PRKN: variants seen among roughly 807,000 people sequenced by gnomAD.
The protein encoded by PRKN is parkin RBR E3 ubiquitin protein ligase.
Under a neutral mutation model 59.5 loss-of-function variants are expected in PRKN, and 56 were observed. The observed-to-expected ratio is 0.94, with a 90% CI of 0.76 to 1.18. The LOEUF (loss-of-function observed/expected upper bound fraction) is 1.18. Among genes scored for constraint, PRKN ranks in the 50% most tolerant of loss-of-function variants. PRKN has a pLI of 0.00. For missense variants in PRKN, 657 were observed against 596.4 expected (o/e 1.10, Z -1.06); for synonymous variants, 250 against 222.1 (o/e 1.13, Z -1.12).
intron 1 of PRKN, among the ~76,000 whole-genome samples, chr6:162,653,368 A>G (rs1259720379): frequency 1.3e-5 from 2 of 152,008 alleles, no homozygotes; most frequent in African/African-American, 4.8e-5. Flanking sequence ...CTCTGTGTGT[A>G]TAAGCACGTT....
At chr6:161,825,214 T>A (rs1792189810) in intron 6 of PRKN, among the ~76,000 whole-genome samples, 1 of 152,186 alleles carries the variant, frequency 6.6e-6, no homozygotes, top group Admixed American at 6.5e-5. Flanking sequence ...TTAAAGGGAA[T>A]ATCACACAGC....
chr6:161,848,089 G>C (rs1379423019), intron 6 of PRKN, among the ~76,000 whole-genome samples: 1 of 152,200 alleles, frequency 6.6e-6, no homozygotes, highest in Non-Finnish European at 1.5e-5. Flanking sequence ...CACCCAGGCT[G>C]TCCCACTGGA....
chr6:162,011,513 T>G (rs1782714997), intron 5 of PRKN, among the ~76,000 whole-genome samples: 1 of 106,844 alleles, frequency 9.4e-6, no homozygotes, highest in African/African-American at 3.6e-5. Flanking sequence ...TTATTATATA[T>G]ATATTATATA....
Position 161,576,688 on chromosome 6 carries a change from A to C in PRKN, c.872-7272T>G, listed in dbSNP as rs1417599980. ...AACTAATAAGTAGGTAAATGAAGTA[A>C]CATTTTGGATGGTCATTAGCACTGT... On this transcript the variant is annotated intron_variant, in intron 7 of 11. Coordinates refer to ENST00000366898, the MANE Select transcript of PRKN (RefSeq NM_004562.3). This position sits in a 1 kb window ranked among gnomAD's most constrained non-coding sequence, Gnocchi z 4.6. Among the ~76,000 whole-genome samples, 2 of 152,216 alleles carry C rather than the reference A, an allele frequency of 1.3e-5. No homozygotes were observed. The highest frequency in any genetic ancestry group is 2.9e-5 in the Non-Finnish European group (2 of 68,036).
chr6:162,132,067 G>A (rs1246470408), intron 4 of PRKN, among the ~76,000 whole-genome samples: 9 of 152,186 alleles, frequency 5.9e-5, no homozygotes, highest in Non-Finnish European at 1.0e-4. Flanking sequence ...TTTTGTTACC[G>A]AAGAATGAGG....
chr6:161,768,782 T>C (rs1310977478), intron 7 of PRKN, among the ~76,000 whole-genome samples: 1 of 152,182 alleles, frequency 6.6e-6, no homozygotes, highest in Non-Finnish European at 1.5e-5. Flanking sequence ...TCATTACTCA[T>C]CTGCAGCCTA....
intron 1 of PRKN, among the ~76,000 whole-genome samples, chr6:162,592,018 G>A (rs1395618712): frequency 6.6e-6 from 1 of 151,956 alleles, no homozygotes; most frequent in Non-Finnish European, 1.5e-5. Context: ...TGTTTGTTTT[G>A]AGATGTTGTC....
At chr6:162,508,989 A>T (rs1793726747) in intron 1 of PRKN, among the ~76,000 whole-genome samples, 1 of 152,222 alleles carries the variant, frequency 6.6e-6, no homozygotes, top group African/African-American at 2.4e-5. Flanking sequence ...TCATGAGCAC[A>T]AATCCATTAT....
intron 6 of PRKN, among the ~76,000 whole-genome samples, chr6:161,817,018 G>T (rs917630002): frequency 3.9e-5 from 6 of 152,040 alleles, no homozygotes; most frequent in African/African-American, 1.5e-4. Context: ...ACATGCACAC[G>T]TACTCACACA....
At chr6:162,138,986 T>C (rs2128310236) in intron 4 of PRKN, among the ~76,000 whole-genome samples, 1 of 152,240 alleles carries the variant, frequency 6.6e-6, no homozygotes, top group East Asian at 1.9e-4. Context: ...TTTTTAGAAG[T>C]TGGAAGGTAA....
At chr6:161,829,447 C>A (rs775103133) in intron 6 of PRKN, among the ~76,000 whole-genome samples, 2 of 152,058 alleles carry the variant, frequency 1.3e-5, no homozygotes, top group Non-Finnish European at 2.9e-5. Context: ...AGGCTTTTGG[C>A]GGTTTTCACT....
At chr6:162,568,490 C>A in intron 1 of PRKN, 1 of 669,056 alleles carries the variant, frequency 1.5e-6, no homozygotes, top group Admixed American at 2.1e-5. Flanking sequence ...GCATGGGAGG[C>A]ATCACCGCCG....
At chr6:161,707,319 T>C (rs1178600903) in intron 7 of PRKN, among the ~76,000 whole-genome samples, 1 of 152,234 alleles carries the variant, frequency 6.6e-6, no homozygotes, top group Non-Finnish European at 1.5e-5. Context: ...GTTGCTGCTA[T>C]AATCAATAGA....
intron 6 of PRKN, among the ~76,000 whole-genome samples, chr6:161,798,532 C>T (rs940135088): frequency 6.6e-6 from 1 of 152,190 alleles, no homozygotes; most frequent in African/African-American, 2.4e-5. Context: ...GCTTGTAGGA[C>T]TTAATCCTCA....
intron 1 of PRKN, among the ~76,000 whole-genome samples, chr6:162,447,073 GATTT>G (rs1790350485): frequency 6.6e-6 from 1 of 152,138 alleles, no homozygotes; most frequent in South Asian, 2.1e-4. Flanking sequence ...TGTTACACAA[GATTT>G]ATTGAGATTA....
intron 6 of PRKN, among the ~76,000 whole-genome samples, chr6:161,916,284 G>A (rs1778554736): frequency 6.6e-6 from 1 of 152,008 alleles, no homozygotes; most frequent in Non-Finnish European, 1.5e-5. Flanking sequence ...TAAGAAGATG[G>A]GACTGTTTAT....
chr6:161,778,737 A>G (rs7754325), intron 7 of PRKN, among the ~76,000 whole-genome samples: 63,405 of 151,888 alleles, frequency 0.42, 13,971 homozygotes, highest in African/African-American at 0.55. Flanking sequence ...CCACAGCACC[A>G]GGAGTGCACG....
At chr6:162,204,982 C>T (rs1311354572) in intron 3 of PRKN, among the ~76,000 whole-genome samples, 1 of 151,982 alleles carries the variant, frequency 6.6e-6, no homozygotes, top group Non-Finnish European at 1.5e-5. Flanking sequence ...CCTGCCTCAA[C>T]CTCCTGAGTA....
chr6:162,073,588 A>C (rs1778679389), intron 4 of PRKN, among the ~76,000 whole-genome samples: 1 of 151,958 alleles, frequency 6.6e-6, no homozygotes, highest in Non-Finnish European at 1.5e-5. Context: ...AGTAGCTGGG[A>C]CTCCAGACGT....
Sources: gnomAD v4.1 joint callset for allele counts (sites outside exome capture counted in the v4.1 genomes callset) on GRCh38, gnomAD v4.1.1 for gene constraint, Gnocchi (gnomAD v3.1) non-coding constraint, MANE v1.5 for transcripts, NCBI Gene and HGNC (gene_info 2026-07-23, HGNC 2026-07-21) for gene names.